PPP3CA: variants seen among roughly 807,000 people sequenced by gnomAD.
PPP3CA encodes protein phosphatase 3 catalytic subunit alpha, also known as CAM-PRP catalytic subunit.
A neutral mutation model predicts 66.5 loss-of-function variants in PPP3CA; 14 were observed. That is an observed-to-expected ratio of 0.21 (90% CI 0.14 to 0.33). The LOEUF (loss-of-function observed/expected upper bound fraction) is 0.33, where lower values mean the gene tolerates loss of function less well. Ranked by LOEUF, PPP3CA falls within the 10% of genes least tolerant of loss-of-function variation. The pLI is 1.00. For missense variants in PPP3CA, 317 were observed against 639.5 expected (o/e 0.50, Z 5.44); for synonymous variants, 232 against 226.2 (o/e 1.03, Z -0.23).
At chr4:101,047,757 C>T (rs1239034099) in intron 10 of PPP3CA, among the ~76,000 whole-genome samples, 2 of 151,924 alleles carry the variant, frequency 1.3e-5, no homozygotes, top group African/African-American at 2.4e-5. Context: ...ATATTTTTGT[C>T]ACTACATTAT....
Position 101,024,697 on chromosome 4 carries a change from T to G in PPP3CA, c.*1168A>C, listed in dbSNP as rs954275073. ...CTTATTATAATTTCACAAGGTTTGCTAAACATGCTAACCATCTACATGTGC... is the reference window on the plus strand; with the variant it reads ...CTTATTATAATTTCACAAGGTTTGCGAAACATGCTAACCATCTACATGTGC... On this transcript the variant is annotated 3_prime_UTR_variant, in exon 14 of 14. Coordinates refer to ENST00000394854, the MANE Select transcript of PPP3CA (RefSeq NM_000944.5). 1 of 152,686 alleles carries G rather than the reference T, an allele frequency of 6.5e-6. No individual in the cohort carries two copies. Among genetic ancestry groups the G allele is most frequent in the Admixed American group, 6.5e-5 (1 of 15,290 alleles). 9.5% of individuals were successfully genotyped at this position (152,686 alleles called of 1,614,324 possible). A position where few individuals can be genotyped will look rare whatever the true frequency, so the allele number is the denominator to read the frequency against.
chr4:101,339,973 G>C (rs1033719063), intron 1 of PPP3CA, among the ~76,000 whole-genome samples: 3 of 152,060 alleles, frequency 2.0e-5, no homozygotes, highest in South Asian at 2.1e-4. Context: ...AATCACCACA[G>C]AAAGACTCTA....
chr4:101,298,362 T>A (rs1358413062), intron 1 of PPP3CA, among the ~76,000 whole-genome samples: 2 of 140,360 alleles, frequency 1.4e-5, no homozygotes, highest in Non-Finnish European at 3.0e-5. Context: ...ATATATATAT[T>A]ACAGTTGACC....
chr4:101,029,306 G>C (rs1455926015), intron 12 of PPP3CA, 111 bp from the exon 13 acceptor site: 7 of 531,750 alleles, frequency 1.3e-5, no homozygotes, highest in Non-Finnish European at 2.2e-5. Context: ...TAATGTTCCT[G>C]TAAGTGCTAG....
chr4:101,336,582 G>GAAAAAAA (rs534710537), intron 1 of PPP3CA, among the ~76,000 whole-genome samples: 1 of 98,862 alleles, frequency 1.0e-5, no homozygotes, highest in Non-Finnish European at 2.4e-5. Context: ...AAAAAAAAAT[G>GAAAAAAA]AAAAAAAAAA....
intron 4 of PPP3CA, among the ~76,000 whole-genome samples, chr4:101,099,368 G>C (rs1730342539): frequency 6.6e-6 from 1 of 152,028 alleles, no homozygotes; most frequent in Non-Finnish European, 1.5e-5. Context: ...TGTTTCTTAG[G>C]ATAAATTACA....
At chr4:101,151,262 A>G (rs1312652315) in intron 2 of PPP3CA, among the ~76,000 whole-genome samples, 9 of 152,130 alleles carry the variant, frequency 5.9e-5, no homozygotes, top group Admixed American at 5.9e-4. Context: ...ATTCATTTCC[A>G]TATAGAAATG....
intron 2 of PPP3CA, among the ~76,000 whole-genome samples, chr4:101,124,719 A>AGAGAGAGAG (rs1722162231): frequency 1.3e-5 from 1 of 79,652 alleles, no homozygotes; most frequent in African/African-American, 4.5e-5. Flanking sequence ...GAAAGAAAGA[A>AGAGAGAGAG]AGAAAGAGAA....
At chr4:101,329,975 T>C (rs1729328695) in intron 1 of PPP3CA, among the ~76,000 whole-genome samples, 1 of 152,138 alleles carries the variant, frequency 6.6e-6, no homozygotes. Flanking sequence ...CAAGGAGTAA[T>C]TTAAACTTTC....
At chr4:101,089,994 T>C (rs1729842200) in intron 6 of PPP3CA, among the ~76,000 whole-genome samples, 1 of 152,198 alleles carries the variant, frequency 6.6e-6, no homozygotes, top group African/African-American at 2.4e-5. Flanking sequence ...ACACACAAAC[T>C]ACACATACAA....
rs1028404281 is a variant in PPP3CA, at chr4:101,154,444, C to A, written c.259+41472G>T. Among the ~76,000 whole-genome samples the A allele has an allele frequency of 3.3e-5, 5 of 152,136 alleles. No homozygotes were observed. The South Asian group carries it at 1.0e-3, about 31-fold the overall frequency. ...TCTGTACAAGAATTTGGAAATGGTT[C>A]TTTTCCCAGATTGGTGGAAAGGGTG... On this transcript the variant is annotated intron_variant, in intron 2 of 13. Coordinates refer to ENST00000394854, the MANE Select transcript of PPP3CA (RefSeq NM_000944.5).
At chr4:101,294,120 T>C (rs1728118360) in intron 1 of PPP3CA, among the ~76,000 whole-genome samples, 2 of 152,204 alleles carry the variant, frequency 1.3e-5, no homozygotes, top group Admixed American at 1.3e-4. Context: ...GTAATACAGA[T>C]AGAACAGTAA....
intron 8 of PPP3CA, among the ~76,000 whole-genome samples, chr4:101,065,271 A>G (rs984684640): frequency 1.3e-5 from 2 of 152,082 alleles, no homozygotes. Flanking sequence ...CCAGAGTTCT[A>G]GCTCCATGTA....
At chr4:101,197,230 G>A (rs1724824656) in intron 1 of PPP3CA, among the ~76,000 whole-genome samples, 1 of 152,154 alleles carries the variant, frequency 6.6e-6, no homozygotes, top group Admixed American at 6.5e-5. Context: ...TCCTAAAAGT[G>A]TCTCTCAAAG....
intron 6 of PPP3CA, among the ~76,000 whole-genome samples, chr4:101,086,587 G>C (rs1418938601): frequency 6.6e-6 from 1 of 151,050 alleles, no homozygotes; most frequent in Non-Finnish European, 1.5e-5. Context: ...TACTTTCCCT[G>C]TGCAGTTTTT....
In PPP3CA at chr4:101,276,968, A is replaced by G. The variant is rs188267206; in HGVS notation, c.58+69771T>C. ...AACAAATGTATAATGACATCTATCC[A>G]GCATTATGGCTAGGACCTGATATTT... On this transcript the variant is annotated intron_variant, in intron 1 of 13. Transcript: ENST00000394854. 3.1e-3 allele frequency among the ~76,000 whole-genome samples: 470 copies of G among 152,160 alleles called. 1 individual carries two copies. The highest frequency in any genetic ancestry group is 0.011 in the African/African-American group (442 of 41,504).
intron 1 of PPP3CA, among the ~76,000 whole-genome samples, chr4:101,209,147 A>G (rs1725227093): frequency 1.3e-5 from 2 of 152,186 alleles, no homozygotes; most frequent in African/African-American, 4.8e-5. Flanking sequence ...ATACTTCCAT[A>G]ATAGAGATTT....
chr4:101,157,694 G>A (rs1723367556), intron 2 of PPP3CA, among the ~76,000 whole-genome samples: 1 of 152,076 alleles, frequency 6.6e-6, no homozygotes, highest in Non-Finnish European at 1.5e-5. Context: ...GATGTTCTTT[G>A]AAACCCATCA....
intron 7 of PPP3CA, among the ~76,000 whole-genome samples, 184 bp from the exon 8 acceptor site, chr4:101,080,810 G>T (rs1004061175): frequency 6.6e-6 from 1 of 152,054 alleles, no homozygotes; most frequent in African/African-American, 2.4e-5. Flanking sequence ...ACATTTCAGG[G>T]GGGTGGGTAT....
Sources: gnomAD v4.1 joint callset for allele counts (sites outside exome capture counted in the v4.1 genomes callset) on GRCh38, gnomAD v4.1.1 for gene constraint, MANE v1.5 for transcripts, NCBI Gene and HGNC (gene_info 2026-07-23, HGNC 2026-07-21) for gene names.